The following RNF212B variants were observed in gnomAD, a reference collection of about 807,000 sequenced individuals.
The protein encoded by RNF212B is E3 ubiquitin-protein ligase RNF212B.
Under a neutral mutation model 55.5 loss-of-function variants are expected in RNF212B, and 52 were observed. That is an observed-to-expected ratio of 0.94 (90% confidence interval 0.75 to 1.18). The LOEUF (loss-of-function observed/expected upper bound fraction) is 1.18, where lower values mean the gene tolerates loss of function less well. Among genes scored for constraint, RNF212B ranks in the 50% most tolerant of loss-of-function variants. RNF212B has a pLI of 0.00. For synonymous variants in RNF212B, 99 were observed against 121.4 expected, an observed-to-expected ratio of 0.82 and a Z score of 1.21; for missense variants, 289 against 350.4, an observed-to-expected ratio of 0.82 and a Z score of 1.40.
chr14:23,260,527 T>C lies in RNF212B; in HGVS notation c.406-132T>C, dbSNP rs149298511. The stretch of plus-strand genomic sequence containing the variant: ...CCTAAGGAAATACTGCTGCTACTTT[T>C]CCTCCTACTGGGAGTCTTAGCAACC... On this transcript the variant is annotated intron_variant, in intron 6 of 14. Coordinates refer to ENST00000430154, the MANE Select transcript of RNF212B (RefSeq NM_001282322.3). 5,234 of 761,416 alleles carry C rather than the reference T, an allele frequency of 6.9e-3. 31 individuals are homozygous for C. The highest frequency in any genetic ancestry group is 8.5e-3 in the Non-Finnish European group (3,800 of 447,104). 47.2% of individuals were successfully genotyped at this position (761,416 alleles called of 1,614,324 possible).
upstream of RNF212B, among the ~76,000 whole-genome samples, chr14:23,237,519 A>G (rs1353546953): frequency 6.6e-6 from 1 of 152,132 alleles, no homozygotes; most frequent in Non-Finnish European, 1.5e-5. Context: ...CATCATTTTT[A>G]AATTTTCCTG....
At chr14:23,262,320 T>C (rs543655812) in intron 7 of RNF212B, among the ~76,000 whole-genome samples, 13 of 152,268 alleles carry the variant, frequency 8.5e-5, no homozygotes, top group African/African-American at 3.1e-4. Context: ...TTCTAGTTTC[T>C]TAAGGTGGAT....
At chr14:23,267,030 A>G (rs1210342527) in intron 11 of RNF212B, among the ~76,000 whole-genome samples, 2 of 152,076 alleles carry the variant, frequency 1.3e-5, no homozygotes, top group African/African-American at 4.8e-5. Context: ...GTGTAGTGGC[A>G]CAATTGTGGC....
chr14:23,224,207 G>A (rs935636104), intron 2 of RNF212B, among the ~76,000 whole-genome samples: 5 of 151,114 alleles, frequency 3.3e-5, no homozygotes, highest in Admixed American at 6.6e-5. Context: ...TCAAAATACC[G>A]ATGACATTCT....
At chr14:23,258,802 T>G (rs1010000137) in intron 5 of RNF212B, 138 bp downstream of exon 5, 3 of 447,944 alleles carry the variant, frequency 6.7e-6, no homozygotes, top group Admixed American at 8.5e-5. Flanking sequence ...TACAGAATTT[T>G]TGATCCCCTG....
chr14:23,220,546 C>G (rs933907104), intron 2 of RNF212B, among the ~76,000 whole-genome samples: 1 of 148,044 alleles, frequency 6.8e-6, no homozygotes, highest in African/African-American at 2.5e-5. Flanking sequence ...AACAAAACAG[C>G]CGGGCTCGGT....
At chr14:23,247,923 A>C (rs1884104660) in intron 4 of RNF212B, among the ~76,000 whole-genome samples, 1 of 152,142 alleles carries the variant, frequency 6.6e-6, no homozygotes. Context: ...GCTATAATAA[A>C]ATACCTTAGA....
At chr14:23,196,209 G>A in intron 2 of RNF212B, among the ~76,000 whole-genome samples, 1 of 152,072 alleles carries the variant, frequency 6.6e-6, no homozygotes, top group East Asian at 1.9e-4. Flanking sequence ...ACCAGGTGCC[G>A]AAAAATTTCT....
chr14:23,249,675 A>G (rs896398318), intron 4 of RNF212B, among the ~76,000 whole-genome samples: 1 of 152,184 alleles, frequency 6.6e-6, no homozygotes, highest in Non-Finnish European at 1.5e-5. Flanking sequence ...TGAGCAGGGG[A>G]TTGAGGAACC....
intron 11 of RNF212B, among the ~76,000 whole-genome samples, chr14:23,267,275 C>T (rs1040191690): frequency 6.6e-6 from 1 of 152,102 alleles, no homozygotes; most frequent in Admixed American, 6.5e-5. Flanking sequence ...GCAACCATGC[C>T]CAGTCCCTAT....
chr14:23,243,907 G>A lies in RNF212B; in HGVS notation c.154-415G>A, dbSNP rs2092706. Among the ~76,000 whole-genome samples the A allele has an allele frequency of 2.4e-3, 362 of 151,660 alleles. 9 individuals carry two copies. In the East Asian group the frequency reaches 0.061, roughly 26 times the overall value. ...GCCTGGCCAACATGAGGAAACCCTC[G>A]TCTCTACTAAAAATACAAAAATTAG... On this transcript the variant is annotated intron_variant, in intron 3 of 14. Transcript: ENST00000430154.
Position 23,264,249 on chromosome 14 carries a change from C to T in RNF212B, c.585+15C>T, listed in dbSNP as rs1885518272. On this transcript the variant is annotated intron_variant, in intron 10 of 14. Coordinates refer to ENST00000430154, the MANE Select transcript of RNF212B (RefSeq NM_001282322.3). ...GCTTGGGACAAGTAAGTAATGTTCA[C>T]CTTATCTTTCCAGATTGAAGTTTCT... 5 of 1,534,140 alleles carry T rather than the reference C, an allele frequency of 3.3e-6. No homozygotes were observed. The highest frequency in any genetic ancestry group is 1.2e-5 in the South Asian group (1 of 83,154).
intron 1 of RNF212B, among the ~76,000 whole-genome samples, chr14:23,239,913 T>C (rs775624000): frequency 8.2e-4 from 124 of 152,038 alleles, no homozygotes; most frequent in Non-Finnish European, 1.5e-3. Flanking sequence ...GCCACTGTGC[T>C]TGGCCAGGAT....
intron 2 of RNF212B, among the ~76,000 whole-genome samples, chr14:23,204,446 C>T (rs1193130022): frequency 6.6e-6 from 1 of 152,138 alleles, no homozygotes; most frequent in Non-Finnish European, 1.5e-5. Flanking sequence ...CTACCTGTGG[C>T]TAGCCAATTA....
Position 23,262,724 on chromosome 14 carries a change from T to C in RNF212B, c.481+13T>C, listed in dbSNP as rs552163680. 382 of 1,549,848 alleles carry C rather than the reference T, an allele frequency of 2.5e-4. 2 individuals are homozygous for C. The South Asian group carries it at 4.3e-3, about 18-fold the overall frequency. On this transcript the variant is annotated intron_variant, in intron 8 of 14. Transcript: ENST00000430154. ...CCATCACAGTCAGGTGGAGAACATTTTTCCCCTAAATATCTGTGTGAGATG... is the reference window on the plus strand; with the variant it reads ...CCATCACAGTCAGGTGGAGAACATTCTTCCCCTAAATATCTGTGTGAGATG...
At chr14:23,198,063 T>A (rs1878908508) in intron 2 of RNF212B, among the ~76,000 whole-genome samples, 1 of 152,216 alleles carries the variant, frequency 6.6e-6, no homozygotes, top group Non-Finnish European at 1.5e-5. Context: ...CTGTTTTTAC[T>A]TCTTTTGTGG....
At chr14:23,218,194 C>T (rs576422197) in intron 2 of RNF212B, among the ~76,000 whole-genome samples, 7 of 147,902 alleles carry the variant, frequency 4.7e-5, no homozygotes, top group Non-Finnish European at 8.8e-5. Context: ...CGGTGAAACC[C>T]CGTCTCTACT....
chr14:23,230,648 C>T (rs1437582539), intron 2 of RNF212B, among the ~76,000 whole-genome samples: 31 of 78,276 alleles, frequency 4.0e-4, no homozygotes, highest in African/African-American at 1.6e-3. Flanking sequence ...AGCGAGACTC[C>T]ATCTCAAAAA....
chr14:23,245,136 TCTTA>T (rs1883898005), intron 4 of RNF212B, among the ~76,000 whole-genome samples: 1 of 152,202 alleles, frequency 6.6e-6, no homozygotes, highest in Admixed American at 6.5e-5. Flanking sequence ...CTTTCTATAC[TCTTA>T]CTTCTTATTC....
Sources: allele counts gnomAD v4.1 joint callset (sites outside exome capture counted in the v4.1 genomes callset), GRCh38; gene constraint gnomAD v4.1.1; transcripts MANE v1.5; gene names NCBI Gene and HGNC (gene_info 2026-07-23, HGNC 2026-07-21).